Variants in ZNF141 observed in about 807,000 individuals in gnomAD.
ZNF141 encodes zinc finger protein 141, also known as zinc finger protein 141 (clone pHZ-44).
In ZNF141, 7 loss-of-function variants were observed where a neutral mutation model predicts 11.3. The ratio of observed to expected loss-of-function variants is 0.62; its 90% CI spans 0.35 to 1.16. The LOEUF (loss-of-function observed/expected upper bound fraction) is 1.16. Ranked by LOEUF, ZNF141 falls within the 50% of genes most tolerant of loss-of-function variation. ZNF141 has a pLI of 0.02. For missense variants in ZNF141, 535 were observed against 554.0 expected (o/e 0.97, Z 0.34); for synonymous variants, 183 against 190.7 (o/e 0.96, Z 0.33).
Position 380,372 on chromosome 4 carries a change from G to A in ZNF141, c.*6510G>A, listed in dbSNP as rs150611888. Among the ~76,000 whole-genome samples, 5 of 151,874 alleles carry A rather than the reference G, an allele frequency of 3.3e-5. No individual in the cohort carries two copies. Among genetic ancestry groups the A allele is most frequent in the South Asian group, 2.1e-4 (1 of 4,812 alleles). ...ATATGTGTTAATAAATTTTATTTTC[G>A]GCCAGGCGTGGTGGCTCACACCTGT... is the stretch of plus-strand genomic sequence containing the variant. On this transcript the variant is annotated 3_prime_UTR_variant, in exon 4 of 4. Transcript: ENST00000240499.
chr4:350,092 G>C, intron 3 of ZNF141: 1 of 520,430 alleles, frequency 1.9e-6, no homozygotes, highest in South Asian at 1.4e-5. Context: ...CTCTTGATGG[G>C]AAGGACCACG....
Position 374,265 on chromosome 4 carries a change from T to G in ZNF141, c.*403T>G. Reference sequence around the variant, plus strand: ...ATTGGTCCTCAATGCTTAATAAATATAATTCATGCTGGAGAGAAACTTCAC... The same window carrying G: ...ATTGGTCCTCAATGCTTAATAAATAGAATTCATGCTGGAGAGAAACTTCAC... On this transcript the variant is annotated 3_prime_UTR_variant, in exon 4 of 4. Transcript: ENST00000240499. The G allele has an allele frequency of 3.4e-6, 1 of 298,218 alleles. No individual in the cohort carries two copies. The highest frequency in any genetic ancestry group is 6.7e-6 in the Non-Finnish European group (1 of 150,296). The allele number at this position is 298,218 out of a possible 1,614,324, so 18.5% of individuals were successfully genotyped here. A position where few individuals can be genotyped will look rare whatever the true frequency, so the allele number is the denominator to read the frequency against.
intron 3 of ZNF141, among the ~76,000 whole-genome samples, chr4:370,842 T>C (rs1712020049): frequency 6.6e-6 from 1 of 151,992 alleles, no homozygotes; most frequent in African/African-American, 2.4e-5. Flanking sequence ...ACCATTCTCC[T>C]GCCTCAGCCT....
Position 373,687 on chromosome 4 carries a change from A to G in ZNF141, c.1250A>G (p.His417Arg), listed in dbSNP as rs782004736. Residue 417 changes from histidine (H) to arginine (R), a missense_variant, in exon 4 of 4, where the codon CAT becomes CGT. Transcript: ENST00000240499. The stretch of plus-strand genomic sequence containing the variant: ...GATCGGAGTCAACATAAGAAAATTC[A>G]TAGTGCAGATAAACCCTACAAATGT... ...STDRSQHKKI[H>R]SADKPYKCKE... The G allele has an allele frequency of 1.2e-5, 20 of 1,614,036 alleles. No homozygotes were observed. Among genetic ancestry groups the G allele is most frequent in the Non-Finnish European group, 1.6e-5 (19 of 1,180,026 alleles).
In ZNF141 at chr4:373,054, A is replaced by G; in HGVS notation, c.617A>G (p.Lys206Arg). 1.2e-6 allele frequency: 2 copies of G among 1,613,948 alleles called. No individual in the cohort carries two copies. Among genetic ancestry groups the G allele is most frequent in the South Asian group, 2.2e-5 (2 of 91,072 alleles). The change falls in exon 4 of 4, where the codon AAA (lysine) becomes AGA (arginine). Residue 206 changes from lysine (K) to arginine (R), a missense_variant. Lys to Arg is a conservative substitution (Grantham distance 26, BLOSUM62 2). Coordinates refer to ENST00000240499, the MANE Select transcript of ZNF141 (RefSeq NM_003441.4). ...EKPYTCEECGKAFKWSLIFNE... is the reference protein window; with the variant it reads ...EKPYTCEECGRAFKWSLIFNE... ...CCCTACACTTGTGAAGAATGTGGCA[A>G]AGCCTTTAAATGGTCTTTAATATTT...
At chr4:340,565 C>A (rs1486269254) in intron 1 of ZNF141, among the ~76,000 whole-genome samples, 7 of 152,184 alleles carry the variant, frequency 4.6e-5, no homozygotes, top group Non-Finnish European at 7.3e-5. Flanking sequence ...TGCTTACCAG[C>A]CCTCCAAGTC....
chr4:358,141 T>C (rs1553851502), intron 3 of ZNF141: 2 of 397,000 alleles, frequency 5.0e-6, no homozygotes, highest in Non-Finnish European at 9.7e-6. Context: ...TTCTATTGTG[T>C]ACTCCAGCAT....
intron 3 of ZNF141, chr4:350,073 C>T (rs1253420896): frequency 2.0e-6 from 1 of 509,772 alleles, no homozygotes; most frequent in Non-Finnish European, 4.1e-6. Flanking sequence ...TGTGTATCTC[C>T]CTGCAGGTCT....
Position 373,441 on chromosome 4 carries a change from G to T in ZNF141, c.1004G>T (p.Gly335Val). Reference sequence around the variant, plus strand: ...ACTAAACATAAGAGAATTCATACTGGAGAGAAACCCTACACATGTGAAGAA... The same window carrying T: ...ACTAAACATAAGAGAATTCATACTGTAGAGAAACCCTACACATGTGAAGAA... ...TLTKHKRIHT[G>V]EKPYTCEECG... Residue 335 changes from glycine to valine, a missense_variant, in exon 4 of 4, where the codon GGA becomes GTA. Gly to Val is a moderately radical substitution (Grantham distance 109, BLOSUM62 -3). Transcript: ENST00000240499. The T allele has an allele frequency of 6.2e-7, 1 of 1,613,926 alleles. No homozygotes were observed. Among genetic ancestry groups the T allele is most frequent in the South Asian group, 1.1e-5 (1 of 91,076 alleles).
chr4:362,521 T>G (rs1392005818), intron 3 of ZNF141, among the ~76,000 whole-genome samples: 1 of 152,224 alleles, frequency 6.6e-6, no homozygotes, highest in Admixed American at 6.5e-5. Context: ...GGTCTAACAT[T>G]TAAGTCTTTA....
chr4:357,221 T>C (rs1177342651), intron 3 of ZNF141, among the ~76,000 whole-genome samples: 1 of 152,192 alleles, frequency 6.6e-6, no homozygotes, highest in Non-Finnish European at 1.5e-5. Context: ...CCCAATGTAC[T>C]AGGATTACAG....
Position 372,688 on chromosome 4 carries a change from A to T in ZNF141, c.251A>T (p.Asp84Val). The change falls in exon 4 of 4, where the codon GAC becomes GTC. Residue 84 changes from aspartate (D) to valine (V), a missense_variant. Asp to Val is a radical substitution (Grantham distance 152). Coordinates refer to ENST00000240499, the MANE Select transcript of ZNF141 (RefSeq NM_003441.4). The part of the protein sequence containing the change: ...PPAMCSHFTQ[D>V]HWPVQGIEDS... ...GCTATGTGTTCTCATTTCACCCAAGACCATTGGCCAGTGCAGGGCATAGAA... is the reference window on the plus strand; with the variant it reads ...GCTATGTGTTCTCATTTCACCCAAGTCCATTGGCCAGTGCAGGGCATAGAA... The T allele has an allele frequency of 6.5e-7, 1 of 1,546,066 alleles. No homozygotes were observed. The highest frequency in any genetic ancestry group is 2.3e-5 in the East Asian group (1 of 44,186).
In ZNF141 at chr4:343,858, A is replaced by G; in HGVS notation, c.80A>G (p.Asn27Ser). The G allele has an allele frequency of 6.2e-7, 1 of 1,611,518 alleles. No homozygotes were observed. The highest frequency in any genetic ancestry group is 8.5e-7 in the Non-Finnish European group (1 of 1,179,478). ...AAATGCCTGGACCCTGACCAGCAGA[A>G]TTTGTATAGAGATGTGATGTTGGAG... ...EWKCLDPDQQ[N>S]LYRDVMLENY... The change falls in exon 2 of 4, where the codon AAT becomes AGT. Residue 27 changes from asparagine to serine, a missense_variant. Transcript: ENST00000240499.
rs1376008561 is a variant in ZNF141 at position 377,443 on chromosome 4, C to A, written c.*3581C>A. 1.3e-5 allele frequency among the ~76,000 whole-genome samples: 2 copies of A among 152,146 alleles called. No homozygotes were observed. Among genetic ancestry groups the A allele is most frequent in the African/African-American group, 2.4e-5 (1 of 41,438 alleles). ...CTCATTATGAATGTAAAGAGGATTT[C>A]TTTTCTTATTTTCTAATTATCTTCA... On this transcript the variant is annotated 3_prime_UTR_variant, in exon 4 of 4. Coordinates refer to ENST00000240499, the MANE Select transcript of ZNF141 (RefSeq NM_003441.4).
At chr4:370,736 T>C (rs1712013600) in intron 3 of ZNF141, among the ~76,000 whole-genome samples, 1 of 152,250 alleles carries the variant, frequency 6.6e-6, no homozygotes, top group Admixed American at 6.5e-5. Flanking sequence ...TTGAGCTCCT[T>C]CTTTTTTTTT....
rs759995246 is a variant in ZNF141, at chr4:378,107, G to T, written c.*4245G>T. 12 of 152,248 alleles carry T rather than the reference G, an allele frequency of 7.9e-5. No homozygotes were observed. Among genetic ancestry groups the T allele is most frequent in the African/African-American group, 2.4e-4 (10 of 41,550 alleles). The allele number at this position is 152,248 out of a possible 1,614,324, so 9.4% of individuals were successfully genotyped here. A position where few individuals can be genotyped will look rare whatever the true frequency, so the allele number is the denominator to read the frequency against. Reference sequence around the variant, plus strand: ...TTGAACCCAGGATGCAGAGGTTGCAGTGAGCTGATGTTGTGCCACTGCAGT... The same window carrying T: ...TTGAACCCAGGATGCAGAGGTTGCATTGAGCTGATGTTGTGCCACTGCAGT... On this transcript the variant is annotated 3_prime_UTR_variant, in exon 4 of 4. Coordinates refer to ENST00000240499, the MANE Select transcript of ZNF141 (RefSeq NM_003441.4).
chr4:338,233 G>A, intron 1 of ZNF141: 3 of 467,476 alleles, frequency 6.4e-6, no homozygotes, highest in Non-Finnish European at 1.1e-5. Flanking sequence ...GTGGGGTGAG[G>A]AGTAGCTTAT....
In ZNF141 at chr4:372,936, C is replaced by T; in HGVS notation, c.499C>T (p.His167Tyr). ...AAATTCAAACAAACGTAAGACAAGACATACTGGAGAGAAACACTTTAAAGA... is the reference window on the plus strand; with the variant it reads ...AAATTCAAACAAACGTAAGACAAGATATACTGGAGAGAAACACTTTAAAGA... ...FSNSNKRKTR[H>Y]TGEKHFKECG... The change falls in exon 4 of 4, where the codon CAT becomes TAT. Residue 167 changes from histidine to tyrosine, a missense_variant. Physicochemically the swap from His to Tyr is moderately conservative, Grantham distance 83. Transcript: ENST00000240499. 1 of 1,614,078 alleles carries T rather than the reference C, an allele frequency of 6.2e-7. No homozygotes were observed. The highest frequency in any genetic ancestry group is 8.5e-7 in the Non-Finnish European group (1 of 1,179,972).
At chr4:360,885 AC>A (rs1434022683) in intron 3 of ZNF141, among the ~76,000 whole-genome samples, 1 of 152,178 alleles carries the variant, frequency 6.6e-6, no homozygotes, top group Non-Finnish European at 1.5e-5. Context: ...ATATTGACCT[AC>A]TTTGTTTATA....
Sources: gnomAD v4.1 joint callset for allele counts (sites outside exome capture counted in the v4.1 genomes callset) on GRCh38, gnomAD v4.1.1 for gene constraint, MANE v1.5 for transcripts, NCBI Gene and HGNC (gene_info 2026-07-23, HGNC 2026-07-21) for gene names.